Variants in GABRB1 observed in about 807,000 individuals in gnomAD.
GABRB1 encodes gamma-aminobutyric acid receptor subunit beta-1.
In GABRB1, 17 loss-of-function variants were observed where a neutral mutation model predicts 51.6. That is an observed-to-expected ratio of 0.33 (90% CI 0.23 to 0.49). The LOEUF is 0.49. Ranked by LOEUF, GABRB1 falls within the 20% of genes least tolerant of loss-of-function variation. The pLI, the probability that GABRB1 is intolerant of heterozygous loss-of-function variation, is 0.99. For synonymous variants in GABRB1, 247 were observed against 218.9 expected, an observed-to-expected ratio of 1.13 and a Z score of -1.14; for missense variants, 410 against 600.6, an observed-to-expected ratio of 0.68 and a Z score of 3.32.
At chr4:47,355,690 C>T (rs562340205) in intron 5 of GABRB1, among the ~76,000 whole-genome samples, 100 of 152,294 alleles carry the variant, frequency 6.6e-4, no homozygotes, top group African/African-American at 2.2e-3. Context: ...GGCCTAATTA[C>T]TGTTTTCCTA....
intron 8 of GABRB1, among the ~76,000 whole-genome samples, chr4:47,408,247 C>A (rs1578151768): frequency 1.3e-5 from 2 of 152,264 alleles, no homozygotes; most frequent in East Asian, 3.9e-4. Context: ...ATGCCATGTC[C>A]ATTCTAGGCA....
chr4:47,338,706 A>C (rs1465080289), intron 5 of GABRB1, among the ~76,000 whole-genome samples: 8 of 152,206 alleles, frequency 5.3e-5, no homozygotes, highest in Non-Finnish European at 1.0e-4. Flanking sequence ...TCTACGAAGC[A>C]CCATGCAGAT....
At chr4:47,254,042 A>T (rs1209348809) in intron 4 of GABRB1, among the ~76,000 whole-genome samples, 1 of 152,210 alleles carries the variant, frequency 6.6e-6, no homozygotes, top group African/African-American at 2.4e-5. Context: ...TTGTACTGAC[A>T]ATAGGGGCAT....
At chr4:46,994,028 G>A (rs1188402870) in intron 1 of GABRB1, 1 of 153,120 alleles carries the variant, frequency 6.5e-6, no homozygotes, top group Non-Finnish European at 1.5e-5. Flanking sequence ...GGTGAGGAGA[G>A]GGGATCAAGT....
intron 4 of GABRB1, among the ~76,000 whole-genome samples, chr4:47,212,100 G>A (rs1720379320): frequency 6.6e-6 from 1 of 151,974 alleles, no homozygotes; most frequent in South Asian, 2.1e-4. Context: ...ACAGTTATCA[G>A]AACCCGAAAA....
At chr4:47,058,380 A>G (rs1359546064) in intron 3 of GABRB1, among the ~76,000 whole-genome samples, 1 of 152,232 alleles carries the variant, frequency 6.6e-6, no homozygotes, top group Non-Finnish European at 1.5e-5. Flanking sequence ...TCAGGCATAA[A>G]CAGATCTTTT....
intron 4 of GABRB1, among the ~76,000 whole-genome samples, chr4:47,314,975 C>T (rs1379186997): frequency 2.6e-5 from 4 of 151,988 alleles, no homozygotes; most frequent in South Asian, 2.1e-4. Flanking sequence ...GCAAAGATTT[C>T]GTGATGAAGA....
intron 4 of GABRB1, among the ~76,000 whole-genome samples, chr4:47,319,169 T>C (rs376287183): frequency 6.6e-6 from 1 of 152,188 alleles, no homozygotes; most frequent in Admixed American, 6.5e-5. Context: ...GTTTTCCATT[T>C]TATTTTTTCA....
At chr4:47,146,592 T>G (rs1717179877) in intron 3 of GABRB1, among the ~76,000 whole-genome samples, 1 of 152,050 alleles carries the variant, frequency 6.6e-6, no homozygotes, top group South Asian at 2.1e-4. Flanking sequence ...ATTAATAGCG[T>G]AATAATCTCC....
At chr4:47,034,227 T>C (rs932951315) in intron 3 of GABRB1, among the ~76,000 whole-genome samples, 2 of 152,186 alleles carry the variant, frequency 1.3e-5, no homozygotes, top group African/African-American at 2.4e-5. Flanking sequence ...TTAAAAAATA[T>C]ATAATTCTGT....
chr4:47,168,864 G>A (rs1315095426), intron 4 of GABRB1, among the ~76,000 whole-genome samples: 1 of 152,090 alleles, frequency 6.6e-6, no homozygotes, highest in African/African-American at 2.4e-5. Context: ...GCTCTGAGGA[G>A]AAGGTCTGTT....
At chr4:46,996,329 C>G (rs1393932141) in intron 1 of GABRB1, among the ~76,000 whole-genome samples, 3 of 152,054 alleles carry the variant, frequency 2.0e-5, no homozygotes, top group Non-Finnish European at 4.4e-5. Flanking sequence ...CCCAAGTACA[C>G]TATCCCCAAA....
At chr4:47,078,822 T>G (rs545903875) in intron 3 of GABRB1, among the ~76,000 whole-genome samples, 53 of 152,318 alleles carry the variant, frequency 3.5e-4, no homozygotes, top group African/African-American at 1.3e-3. Context: ...ATTTTTTTTA[T>G]CCTCCAATTC....
At chr4:47,305,748 G>C (rs944152146) in intron 4 of GABRB1, among the ~76,000 whole-genome samples, 1 of 152,098 alleles carries the variant, frequency 6.6e-6, no homozygotes, top group Admixed American at 6.6e-5. Flanking sequence ...TTATCACCCA[G>C]TATTAAATAC....
chr4:47,099,507 C>A (rs1157633953), intron 3 of GABRB1, among the ~76,000 whole-genome samples: 2 of 152,018 alleles, frequency 1.3e-5, no homozygotes, highest in Non-Finnish European at 2.9e-5. Context: ...TCATAATGAC[C>A]ATTAAAATTA....
intron 4 of GABRB1, among the ~76,000 whole-genome samples, chr4:47,246,571 A>G (rs1721769743): frequency 6.6e-6 from 1 of 150,696 alleles, no homozygotes; most frequent in East Asian, 2.0e-4. Context: ...GTCAAATGGT[A>G]GTTCTACTTT....
chr4:47,410,398 A>C (rs1413284297), intron 8 of GABRB1, among the ~76,000 whole-genome samples: 2 of 152,340 alleles, frequency 1.3e-5, no homozygotes, highest in East Asian at 3.9e-4. Context: ...AAACTAAAAG[A>C]GAATCAACTT....
intron 8 of GABRB1, among the ~76,000 whole-genome samples, chr4:47,417,010 A>G (rs1010033367): frequency 5.1e-4 from 78 of 152,220 alleles, no homozygotes; most frequent in African/African-American, 1.8e-3. Context: ...AGCAATTTGG[A>G]CCTACTAAAA....
intron 4 of GABRB1, among the ~76,000 whole-genome samples, chr4:47,197,882 G>A (rs960591784): frequency 6.6e-6 from 1 of 152,146 alleles, no homozygotes; most frequent in Non-Finnish European, 1.5e-5. Context: ...CAATGTGCCT[G>A]TCTATAACTT....
Sources: allele counts gnomAD v4.1 joint callset (sites outside exome capture counted in the v4.1 genomes callset), GRCh38; gene constraint gnomAD v4.1.1; transcripts MANE v1.5; gene names NCBI Gene and HGNC (gene_info 2026-07-23, HGNC 2026-07-21).